The following TGM6 variants were observed in gnomAD, a reference collection of about 807,000 sequenced individuals.
TGM6 encodes the protein transglutaminase 6.
A neutral mutation model predicts 77.5 loss-of-function variants in TGM6; 74 were observed. That is an observed-to-expected ratio of 0.96 (90% CI 0.79 to 1.16). TGM6 has a LOEUF of 1.16. Ranked by LOEUF, TGM6 falls within the 50% of genes most tolerant of loss-of-function variation. TGM6 has a pLI of 0.00. For synonymous variants in TGM6, 383 were observed against 378.9 expected, an observed-to-expected ratio of 1.01 and a Z score of -0.12; for missense variants, 968 against 940.2, an observed-to-expected ratio of 1.03 and a Z score of -0.39.
At chr20:2,403,544 C>G (rs781150689) in intron 8 of TGM6, 37 bp from the exon 9 acceptor site, 1 of 1,614,172 alleles carries the variant, frequency 6.2e-7, no homozygotes. Context: ...CCTGCTTTTC[C>G]TTACCCATGC....
At chr20:2,389,100 CAT>C (rs2084614651) in intron 1 of TGM6, among the ~76,000 whole-genome samples, 1 of 152,174 alleles carries the variant, frequency 6.6e-6, no homozygotes, top group South Asian at 2.1e-4. Flanking sequence ...GCGGAGGTGA[CAT>C]TGTGTAACTT....
Position 2,399,695 on chromosome 20 carries a change from C to A in TGM6, c.807C>A (p.Val269=), listed in dbSNP as rs1313069450. Residue 269 remains valine (V), a synonymous_variant, in exon 6 of 13, where the codon GTC becomes GTA. Transcript: ENST00000202625. ...GGCTCAAGGGCAGGTACAAGCCAGTCAAGTACGGCCAGTGCTGGGTCTTCG... is the reference window on the plus strand; with the variant it reads ...GGCTCAAGGGCAGGTACAAGCCAGTAAAGTACGGCCAGTGCTGGGTCTTCG... ...QKWLKGRYKP[V]KYGQCWVFAG... The A allele has an allele frequency of 6.2e-7, 1 of 1,613,956 alleles. No homozygotes were observed. Among genetic ancestry groups the A allele is most frequent in the Non-Finnish European group, 8.5e-7 (1 of 1,179,978 alleles).
chr20:2,391,279 T>A (rs2084627904), intron 1 of TGM6, among the ~76,000 whole-genome samples: 1 of 152,076 alleles, frequency 6.6e-6, no homozygotes, highest in African/African-American at 2.4e-5. Flanking sequence ...TTATTATTGT[T>A]GTTTGTGTTA....
chr20:2,407,109 G>T (rs1382231474), intron 9 of TGM6, among the ~76,000 whole-genome samples: 1 of 152,132 alleles, frequency 6.6e-6, no homozygotes, highest in Non-Finnish European at 1.5e-5. Flanking sequence ...AGCTAGTAAG[G>T]GAGAACTCTC....
chr20:2,409,366 T>G (rs2122390175), intron 9 of TGM6, among the ~76,000 whole-genome samples: 1 of 152,264 alleles, frequency 6.6e-6, no homozygotes, highest in African/African-American at 2.4e-5. Flanking sequence ...CCGTAAAACC[T>G]ATATTAAAGA....
chr20:2,423,883 A>G lies in TGM6; in HGVS notation c.1678+6310A>G, dbSNP rs528918140. Among the ~76,000 whole-genome samples the G allele has an allele frequency of 9.3e-4, 141 of 152,376 alleles. 1 individual carries two copies. Among genetic ancestry groups the G allele is most frequent in the South Asian group, 4.1e-3 (20 of 4,828 alleles). ...GAATGTTAACAGGCATGAAAATAAC[A>G]TTAATCTCATTGTACACCTCCATCA... On this transcript the variant is annotated intron_variant, in intron 10 of 12. Transcript: ENST00000202625.
chr20:2,415,998 TA>T (rs1008480549), intron 9 of TGM6, among the ~76,000 whole-genome samples: 32 of 152,192 alleles, frequency 2.1e-4, no homozygotes, highest in African/African-American at 7.2e-4. Context: ...GCGTTCCCTC[TA>T]GGGGGGGCTG....
At chr20:2,406,831 C>CAAAA (rs3050731) in intron 9 of TGM6, among the ~76,000 whole-genome samples, 1,607 of 63,574 alleles carry the variant, frequency 0.025, 271 homozygotes, top group Non-Finnish European at 0.038. Context: ...CGAAACTCCT[C>CAAAA]AAAAAAAAAA....
Position 2,394,615 on chromosome 20 carries a change from G to A in TGM6, c.171G>A (p.Thr57=), listed in dbSNP as rs12106116. The change falls in exon 2 of 13, where the codon ACG becomes ACA. Residue 57 remains threonine (T), a synonymous_variant. Transcript: ENST00000202625. The part of the protein sequence containing the change: ...ALDCEEILIF[T]METGPRASEA... The stretch of plus-strand genomic sequence containing the variant: ...ACTGTGAGGAGATCCTCATCTTCAC[G>A]ATGGAGACAGGTAACTGGGCTTGCC... The A allele has an allele frequency of 4.8e-4, 777 of 1,610,630 alleles. 2 individuals carry two copies. In the African/African-American group the frequency reaches 7.3e-3, roughly 15 times the overall value.
At chr20:2,391,736 G>A (rs1013970091) in intron 1 of TGM6, among the ~76,000 whole-genome samples, 12 of 152,190 alleles carry the variant, frequency 7.9e-5, no homozygotes, top group Admixed American at 7.2e-4. Context: ...TTTCCAAGGT[G>A]CAAATCTGAT....
At position 2,417,554 on chromosome 20, in the gene TGM6, G is replaced by A; in HGVS notation, c.1659G>A (p.Val553=). ...AGATCCTGCATGAATCCCACGCCGT[G>A]AGGCTGGGGCCGCAAGAAGGTAAGT... The part of the protein sequence containing the change: ...VAEILHESHA[V]RLGPQEEKRI... Residue 553 remains valine (V), a synonymous_variant, in exon 10 of 13, where the codon GTG becomes GTA. Coordinates refer to ENST00000202625, the MANE Select transcript of TGM6 (RefSeq NM_198994.3). The A allele has an allele frequency of 6.2e-7, 1 of 1,602,878 alleles. No individual in the cohort carries two copies. The highest frequency in any genetic ancestry group is 1.1e-5 in the South Asian group (1 of 90,936).
intron 10 of TGM6, among the ~76,000 whole-genome samples, chr20:2,424,440 G>T (rs997882457): frequency 1.3e-5 from 2 of 152,112 alleles, no homozygotes; most frequent in South Asian, 4.1e-4. Context: ...ACCAACCTGT[G>T]CTAGCTTCAA....
At chr20:2,420,978 A>G (rs1316138964) in intron 10 of TGM6, among the ~76,000 whole-genome samples, 2 of 151,738 alleles carry the variant, frequency 1.3e-5, no homozygotes, top group Non-Finnish European at 2.9e-5. Flanking sequence ...TGTGGGCTTG[A>G]GTTTTTAATT....
rs750555578 is a variant in TGM6, at chr20:2,417,410, C to T, written c.1515C>T (p.Pro505=). 3 of 1,613,362 alleles carry T rather than the reference C, an allele frequency of 1.9e-6. No homozygotes were observed. The highest frequency in any genetic ancestry group is 2.5e-6 in the Non-Finnish European group (3 of 1,180,034). The change falls in exon 10 of 13, where the codon CCC becomes CCT. Residue 505 remains proline, a synonymous_variant. Transcript: ENST00000202625. The stretch of plus-strand genomic sequence containing the variant: ...GCAAGTTCAAGGTGCTAGAGCCTCC[C>T]ATGCTGGGCCACGACCTGAGACTGG... The part of the protein sequence containing the change: ...IAGKFKVLEP[P]MLGHDLRLAL...
At position 2,397,903 on chromosome 20, in the gene TGM6, C is replaced by T; in HGVS notation, c.544-15C>T. 1 of 1,614,134 alleles carries T rather than the reference C, an allele frequency of 6.2e-7. No homozygotes were observed. The highest frequency in any genetic ancestry group is 8.5e-7 in the Non-Finnish European group (1 of 1,180,016). On this transcript the variant is annotated splice_polypyrimidine_tract_variant and intron_variant, in intron 4 of 12. Coordinates refer to ENST00000202625, the MANE Select transcript of TGM6 (RefSeq NM_198994.3). Reference sequence around the variant, plus strand: ...ACTGAACGCAGCCTCTAAGCACAGCCTCTCTGGGGAGCAGTTTGAGGAGGA... The same window carrying T: ...ACTGAACGCAGCCTCTAAGCACAGCTTCTCTGGGGAGCAGTTTGAGGAGGA...
At chr20:2,426,926 G>A (rs1599972264) in intron 10 of TGM6, among the ~76,000 whole-genome samples, 1 of 151,962 alleles carries the variant, frequency 6.6e-6, no homozygotes, top group African/African-American at 2.4e-5. Context: ...GGGAATTTTT[G>A]CATCTATGTT....
At chr20:2,413,491 G>C (rs2084796707) in intron 9 of TGM6, among the ~76,000 whole-genome samples, 1 of 152,156 alleles carries the variant, frequency 6.6e-6, no homozygotes, top group Non-Finnish European at 1.5e-5. Context: ...TGGACATATA[G>C]ATCAAAGAAA....
At position 2,403,579 on chromosome 20, in the gene TGM6, AG is replaced by A. The variant is rs1293287016; in HGVS notation, c.1094del. Reference sequence around the variant, plus strand: ...CTGCTCATGCCCACCCCTCCTGCCCAGGTGTGTTCCGGTGCGGCCCAGCCTC... The same window carrying A: ...CTGCTCATGCCCACCCCTCCTGCCCAGTGTGTTCCGGTGCGGCCCAGCCTC... On this transcript the variant is annotated splice_acceptor_variant, in intron 8 of 12. Coordinates refer to ENST00000202625, the MANE Select transcript of TGM6 (RefSeq NM_198994.3). LOFTEE classifies it high-confidence loss of function. 6.2e-7 allele frequency: 1 copy of A among 1,614,014 alleles called. No homozygotes were observed. The highest frequency in any genetic ancestry group is 2.2e-5 in the East Asian group (1 of 44,872).
In TGM6 at chr20:2,418,931, G is replaced by T. The variant is rs2122414317; in HGVS notation, c.1678+1358G>T. ...CTCTACTAAAAATACAAGAAAATTAGCCGGGCATGGTGGCACACGCCTGTA... is the reference window on the plus strand; with the variant it reads ...CTCTACTAAAAATACAAGAAAATTATCCGGGCATGGTGGCACACGCCTGTA... On this transcript the variant is annotated intron_variant, in intron 10 of 12. Coordinates refer to ENST00000202625, the MANE Select transcript of TGM6 (RefSeq NM_198994.3). Among the ~76,000 whole-genome samples, 2 of 152,252 alleles carry T rather than the reference G, an allele frequency of 1.3e-5. 1 individual carries two copies. The highest frequency in any genetic ancestry group is 4.1e-4 in the South Asian group (2 of 4,820).
Sources: allele counts gnomAD v4.1 joint callset (sites outside exome capture counted in the v4.1 genomes callset), GRCh38; gene constraint gnomAD v4.1.1; transcripts MANE v1.5; gene names NCBI Gene and HGNC (gene_info 2026-07-23, HGNC 2026-07-21).